Variants in ZNF169 observed in about 807,000 individuals in gnomAD.
ZNF169 encodes the protein zinc finger protein 169.
ZNF169 carries 11 observed loss-of-function variants against 12.0 expected under a neutral mutation model. That is an observed-to-expected ratio of 0.92 (90% CI 0.58 to 1.52). The LOEUF is 1.52. ZNF169 is among the 40% of genes most tolerant of loss of function. The pLI is 0.00. For synonymous variants in ZNF169, 302 were observed against 286.5 expected (o/e 1.05, Z -0.55); for missense variants, 722 against 744.0 (o/e 0.97, Z 0.34).
chr9:94,292,737 C>G, intron 3 of ZNF169: 1 of 615,582 alleles, frequency 1.6e-6, no homozygotes, highest in Non-Finnish European at 2.8e-6. Context: ...TATCCTCCTT[C>G]AAAAGGAGGA....
chr9:94,299,254 G>A (rs1831007808), intron 4 of ZNF169, among the ~76,000 whole-genome samples: 1 of 152,232 alleles, frequency 6.6e-6, no homozygotes, highest in Non-Finnish European at 1.5e-5. Flanking sequence ...ACATCAGGCT[G>A]ATATGGAAGC....
intron 2 of ZNF169, among the ~76,000 whole-genome samples, chr9:94,288,993 G>A (rs1011113438): frequency 3.3e-5 from 5 of 152,278 alleles, no homozygotes; most frequent in South Asian, 2.1e-4. Flanking sequence ...AAAGATTATC[G>A]TATGGTCTGA....
intron 4 of ZNF169, chr9:94,295,488 G>A (rs1283293136): frequency 6.6e-6 from 1 of 152,126 alleles, no homozygotes; most frequent in Non-Finnish European, 1.5e-5. Flanking sequence ...CACTGCCACA[G>A]CTAAAGTAAC....
chr9:94,281,147 A>G (rs1355044391), intron 2 of ZNF169, among the ~76,000 whole-genome samples: 1 of 152,216 alleles, frequency 6.6e-6, no homozygotes, highest in African/African-American at 2.4e-5. Flanking sequence ...TATCTAGAAT[A>G]GTGTCTCTTA....
intron 1 of ZNF169, among the ~76,000 whole-genome samples, chr9:94,271,270 A>AT (rs1469519651): frequency 6.7e-6 from 1 of 150,210 alleles, no homozygotes. Context: ...TAATTTTTGT[A>AT]TTTTTTTGTA....
intron 2 of ZNF169, among the ~76,000 whole-genome samples, chr9:94,282,395 T>C (rs1564087912): frequency 6.6e-6 from 1 of 152,176 alleles, no homozygotes; most frequent in Non-Finnish European, 1.5e-5. Flanking sequence ...TCAATCAATG[T>C]ATGTAAGCAG....
Position 94,299,889 on chromosome 9 carries a change from G to A in ZNF169, c.331G>A (p.Ala111Thr). 6.2e-7 allele frequency: 1 copy of A among 1,614,064 alleles called. No individual in the cohort carries two copies. The highest frequency in any genetic ancestry group is 1.1e-5 in the South Asian group (1 of 91,074). The change falls in exon 5 of 5, where the codon GCG becomes ACG. Residue 111 changes from alanine (A) to threonine (T), a missense_variant. Transcript: ENST00000395395. ...FSSSQLLRQY[A>T]LSGHPTQIFP... ...TAGCTCGCAGCTCCTCAGACAATATGCGCTAAGTGGCCATCCCACACAGAT... is the reference window on the plus strand; with the variant it reads ...TAGCTCGCAGCTCCTCAGACAATATACGCTAAGTGGCCATCCCACACAGAT...
In ZNF169 at chr9:94,301,398, T is replaced by C. The variant is rs771317344; in HGVS notation, c.*28T>C. 1 of 1,543,362 alleles carries C rather than the reference T, an allele frequency of 6.5e-7. No individual in the cohort carries two copies. Among genetic ancestry groups the C allele is most frequent in the Non-Finnish European group, 8.7e-7 (1 of 1,144,618 alleles). On this transcript the variant is annotated 3_prime_UTR_variant, in exon 5 of 5. Transcript: ENST00000395395. ...TTTCCTTTCCCCGTGAGTGTGAAGC[T>C]GGCAGAAATCACTAGTAAATGCTTC...
chr9:94,277,494 T>G (rs1666300927), intron 1 of ZNF169, among the ~76,000 whole-genome samples: 1 of 152,174 alleles, frequency 6.6e-6, no homozygotes, highest in Non-Finnish European at 1.5e-5. Flanking sequence ...GGGTAATACA[T>G]TTTGATTTTC....
rs1167036049 is a variant in ZNF169, at chr9:94,300,458, G to GTA, written c.903_904dup (p.Thr302IlefsTer31). 9.9e-6 allele frequency: 16 copies of GTA among 1,613,714 alleles called. No individual in the cohort carries two copies. Among genetic ancestry groups the GTA allele is most frequent in the African/African-American group, 1.3e-5 (1 of 74,764 alleles). On this transcript the variant is annotated frameshift_variant, in exon 5 of 5. Transcript: ENST00000395395. LOFTEE classifies it low-confidence loss of function (END_TRUNC). ...GCAGGGAATGTGGGCGACACTTCAG[G>GTA]TATACATCCTCTCTCACTAATCACA...
intron 2 of ZNF169, among the ~76,000 whole-genome samples, chr9:94,287,334 C>A (rs1213264191): frequency 6.6e-6 from 1 of 151,880 alleles, no homozygotes; most frequent in Non-Finnish European, 1.5e-5. Flanking sequence ...ACACTAAATT[C>A]TGAAGGTTGC....
At chr9:94,288,656 A>G in intron 2 of ZNF169, 1 of 365,562 alleles carries the variant, frequency 2.7e-6, no homozygotes, top group Non-Finnish European at 5.3e-6. Context: ...TTCTCACGAG[A>G]TCTGATAGTT....
chr9:94,294,097 C>G (rs979918566), intron 4 of ZNF169: 1 of 152,152 alleles, frequency 6.6e-6, no homozygotes, highest in Non-Finnish European at 1.5e-5. Flanking sequence ...AATAATCTTG[C>G]TCTGTATTCT....
chr9:94,266,823 G>A (rs534621128), intron 1 of ZNF169, among the ~76,000 whole-genome samples: 2 of 152,066 alleles, frequency 1.3e-5, no homozygotes, highest in African/African-American at 4.8e-5. Flanking sequence ...TTTATTAAAA[G>A]ATAAATCATG....
chr9:94,283,590 A>G (rs1830675870), intron 2 of ZNF169, among the ~76,000 whole-genome samples: 1 of 152,184 alleles, frequency 6.6e-6, no homozygotes, highest in Non-Finnish European at 1.5e-5. Flanking sequence ...ATAGCATTTC[A>G]GACTGCCTGG....
At chr9:94,296,180 A>C (rs1830946797) in intron 4 of ZNF169, among the ~76,000 whole-genome samples, 1 of 152,178 alleles carries the variant, frequency 6.6e-6, no homozygotes, top group African/African-American at 2.4e-5. Flanking sequence ...TTCTTTAGTG[A>C]AGTACGTTTT....
At chr9:94,283,804 C>G (rs533283458) in intron 2 of ZNF169, among the ~76,000 whole-genome samples, 3 of 152,198 alleles carry the variant, frequency 2.0e-5, no homozygotes, top group Admixed American at 1.3e-4. Context: ...TGCGGTGGCT[C>G]ACACCTGTAA....
intron 4 of ZNF169, chr9:94,296,756 T>C (rs1239444235): frequency 2.2e-6 from 1 of 457,090 alleles, no homozygotes; most frequent in Non-Finnish European, 4.4e-6. Flanking sequence ...TTTTGATTAC[T>C]GTAGCTTTAT....
At chr9:94,285,795 A>C (rs547110724) in intron 2 of ZNF169, among the ~76,000 whole-genome samples, 6 of 152,106 alleles carry the variant, frequency 3.9e-5, no homozygotes, top group Non-Finnish European at 7.4e-5. Context: ...GGGTCACCTG[A>C]GGTCGGGCGT....
Sources: gnomAD v4.1 joint callset for allele counts (sites outside exome capture counted in the v4.1 genomes callset) on GRCh38, gnomAD v4.1.1 for gene constraint, MANE v1.5 for transcripts, NCBI Gene and HGNC (gene_info 2026-07-23, HGNC 2026-07-21) for gene names.